Variants in SLC12A2 observed in about 807,000 individuals in gnomAD.
SLC12A2 encodes the protein Na-K-2Cl cotransporter 1.
SLC12A2 carries 67 observed loss-of-function variants against 136.3 expected under a neutral mutation model. The ratio of observed to expected loss-of-function variants is 0.49; its 90% CI spans 0.40 to 0.60. The LOEUF is 0.60. Ranked by LOEUF, SLC12A2 falls within the 20% of genes least tolerant of loss-of-function variation. The pLI, the probability that SLC12A2 is intolerant of heterozygous loss-of-function variation, is 0.00. For missense variants in SLC12A2, 1,322 were observed against 1,534.7 expected (o/e 0.86, Z 2.32); for synonymous variants, 619 against 562.9 (o/e 1.10, Z -1.41).
In SLC12A2 at chr5:128,084,094, C is replaced by T; in HGVS notation, c.140C>T (p.Ala47Val). The T allele has an allele frequency of 1.5e-6, 2 of 1,314,548 alleles. No homozygotes were observed. Among genetic ancestry groups the T allele is most frequent in the Non-Finnish European group, 9.7e-7 (1 of 1,035,836 alleles). 81.4% of individuals were successfully genotyped at this position (1,314,548 alleles called of 1,614,324 possible). The change falls in exon 1 of 27, where the codon GCG (alanine) becomes GTG (valine). Residue 47 changes from alanine (A) to valine (V), a missense_variant. Physicochemically the swap from Ala to Val is moderately conservative, Grantham distance 64. Around this residue, in one of 8 missense-constraint regions of SLC12A2, gnomAD observed 358 missense variants for 299.7 expected, o/e 1.19. Coordinates refer to ENST00000262461, the MANE Select transcript of SLC12A2 (RefSeq NM_001046.3). The surrounding 1 kb of genome is among the most constrained non-coding windows in gnomAD (Gnocchi z 5.6). Reference protein sequence around the residue: ...TAVPSVPEDAAPASRDGGGVR... With the variant: ...TAVPSVPEDAVPASRDGGGVR... ...GTGCCCTCGGTGCCGGAGGATGCTG[C>T]GCCCGCGAGCCGGGACGGCGGCGGG... is the stretch of plus-strand genomic sequence containing the variant.
rs1395282781 is a variant in SLC12A2 at position 128,084,332 on chromosome 5, C to T, written c.378C>T (p.Ser126=). 1.3e-6 allele frequency: 2 copies of T among 1,568,572 alleles called. No individual in the cohort carries two copies. Among genetic ancestry groups the T allele is most frequent in the Admixed American group, 3.6e-5 (2 of 56,144 alleles). ...CGGACGGGGAAGCCAGCGGCGAGAG[C>T]GAGCCGGCTAAAGGCAGCGAGGAAG... is the stretch of plus-strand genomic sequence containing the variant. ...TPADGEASGE[S]EPAKGSEEAK... The change falls in exon 1 of 27, where the codon AGC becomes AGT. Residue 126 remains serine (S), a synonymous_variant. Coordinates refer to ENST00000262461, the MANE Select transcript of SLC12A2 (RefSeq NM_001046.3). The surrounding 1 kb of genome is among the most constrained non-coding windows in gnomAD (Gnocchi z 5.6).
chr5:128,098,753 G>A, intron 1 of SLC12A2, among the ~76,000 whole-genome samples: 1 of 151,992 alleles, frequency 6.6e-6, no homozygotes, highest in East Asian at 1.9e-4. Flanking sequence ...GTATTTTATG[G>A]TTTCCAGCTA....
rs1763751993 is a variant in SLC12A2 at position 128,182,952 on chromosome 5, C to G, written c.3299+11C>G. 6.5e-7 allele frequency: 1 copy of G among 1,543,256 alleles called. No homozygotes were observed. The highest frequency in any genetic ancestry group is 2.3e-5 in the East Asian group (1 of 44,386). On this transcript the variant is annotated intron_variant, in intron 24 of 26. Coordinates refer to ENST00000262461, the MANE Select transcript of SLC12A2 (RefSeq NM_001046.3). ...ACCAAAGAAAGAAAAGTAAGTTACT[C>G]TACAAATTTCTGATCCCTTTATAGA... is the stretch of plus-strand genomic sequence containing the variant.
intron 14 of SLC12A2, 41 bp from the exon 15 acceptor site, chr5:128,152,665 A>T (rs1433610155): frequency 8.0e-7 from 1 of 1,253,370 alleles, no homozygotes; most frequent in Non-Finnish European, 1.2e-6. Flanking sequence ...ATTGGTTGTT[A>T]TTACTGATGT....
intron 9 of SLC12A2, among the ~76,000 whole-genome samples, chr5:128,140,734 A>C (rs1363157155): frequency 6.6e-6 from 1 of 151,888 alleles, no homozygotes; most frequent in Non-Finnish European, 1.5e-5. Flanking sequence ...AGACTATCAG[A>C]ATACAAAGCA....
At chr5:128,103,543 A>T (rs1760820364) in intron 1 of SLC12A2, among the ~76,000 whole-genome samples, 1 of 152,214 alleles carries the variant, frequency 6.6e-6, no homozygotes. Context: ...TTTAATACTT[A>T]CTGAGGGAGT....
rs1763896620 is a variant in SLC12A2, at chr5:128,187,218, A to G, written c.*587A>G. ...AAATGGGGAAGGGGAAATGGTAACC[A>G]AAAAGTAACCCCATGGTAAGGTTTA... On this transcript the variant is annotated 3_prime_UTR_variant, in exon 27 of 27. Coordinates refer to ENST00000262461, the MANE Select transcript of SLC12A2 (RefSeq NM_001046.3). The G allele has an allele frequency of 6.5e-6, 1 of 152,742 alleles. No individual in the cohort carries two copies. The highest frequency in any genetic ancestry group is 2.4e-5 in the African/African-American group (1 of 41,442). The allele number at this position is 152,742 out of a possible 1,614,324, so 9.5% of individuals were successfully genotyped here. A position where few individuals can be genotyped will look rare whatever the true frequency, so the allele number is the denominator to read the frequency against.
chr5:128,161,637 A>G (rs1482488623), intron 16 of SLC12A2, 23 bp from the exon 17 acceptor site: 1 of 1,312,334 alleles, frequency 7.6e-7, no homozygotes. Flanking sequence ...AATTAAATAT[A>G]TTATTAATAT....
At chr5:128,162,315 C>T (rs904936246) in intron 17 of SLC12A2, among the ~76,000 whole-genome samples, 9 of 151,924 alleles carry the variant, frequency 5.9e-5, no homozygotes. Flanking sequence ...GGAAATAGAG[C>T]TACCCGTATC....
intron 1 of SLC12A2, among the ~76,000 whole-genome samples, chr5:128,099,200 C>T (rs1420572611): frequency 2.0e-5 from 3 of 152,098 alleles, no homozygotes; most frequent in African/African-American, 7.2e-5. Context: ...GAGCATATTC[C>T]ACTACACACC....
Position 128,158,136 on chromosome 5 carries a change from G to C in SLC12A2, c.2447G>C (p.Gly816Ala). Residue 816 changes from glycine (G) to alanine (A), a missense_variant, in exon 16 of 27, where the codon GGT becomes GCT. Physicochemically the swap from Gly to Ala is moderately conservative, Grantham distance 60. Around this residue, in one of 8 missense-constraint regions of SLC12A2, gnomAD observed 294 missense variants for 436.6 expected, o/e 0.67. Transcript: ENST00000262461. ...GTTCATGATTTCACAAAAAATGTTG[G>C]TTTGATGATCTGTGGCCATGTACAT... ...HLVHDFTKNV[G>A]LMICGHVHMG... 2 of 1,613,044 alleles carry C rather than the reference G, an allele frequency of 1.2e-6. No homozygotes were observed.
At chr5:128,098,190 GTTTT>G (rs760398412) in intron 1 of SLC12A2, among the ~76,000 whole-genome samples, 1 of 151,970 alleles carries the variant, frequency 6.6e-6, no homozygotes, top group Non-Finnish European at 1.5e-5. Context: ...GTACGTTGAT[GTTTT>G]TCACTCTTCC....
intron 1 of SLC12A2, chr5:128,109,853 C>A: frequency 1.3e-6 from 1 of 787,330 alleles, no homozygotes; most frequent in South Asian, 1.3e-5. Context: ...GGCCAAATCC[C>A]CATGTATTTT....
intron 1 of SLC12A2, among the ~76,000 whole-genome samples, chr5:128,111,758 C>G (rs1209403922): frequency 2.0e-4 from 28 of 143,286 alleles, no homozygotes; most frequent in Non-Finnish European, 3.2e-4. Flanking sequence ...GAGCGAGACT[C>G]CATCTCAAAA....
rs550566096 is a variant in SLC12A2, at chr5:128,142,699, A to G, written c.1773+718A>G. ...GTCTGTCCTTGTGCCAGTACCACAC[A>G]TTCCTAATTACTGTAGTTAAATGAT... On this transcript the variant is annotated intron_variant, in intron 10 of 26. Transcript: ENST00000262461. 2.2e-3 allele frequency among the ~76,000 whole-genome samples: 330 copies of G among 152,226 alleles called. 1 individual carries two copies. The highest frequency in any genetic ancestry group is 2.7e-3 in the Non-Finnish European group (181 of 68,006).
intron 12 of SLC12A2, 56 bp downstream of exon 12, chr5:128,148,933 C>T (rs768198436): frequency 8.1e-5 from 110 of 1,365,616 alleles, no homozygotes; most frequent in Non-Finnish European, 9.8e-5. Flanking sequence ...TAGTTCTAGA[C>T]GTTGAATTAT....
chr5:128,184,803 C>A lies in SLC12A2; in HGVS notation c.3450C>A (p.Ile1150=). ...TTTCATTTCAGACATACCGGCAGAT[C>A]AGGTTAAATGAGTTATTAAAGGAAC... ...ELYKTKTYRQ[I]RLNELLKEHS... The change falls in exon 26 of 27, where the codon ATC becomes ATA. Residue 1150 remains isoleucine (I), a synonymous_variant. Coordinates refer to ENST00000262461, the MANE Select transcript of SLC12A2 (RefSeq NM_001046.3). The A allele has an allele frequency of 6.2e-7, 1 of 1,609,420 alleles. No individual in the cohort carries two copies.
chr5:128,092,371 C>T lies in SLC12A2; in HGVS notation c.756+7661C>T, dbSNP rs150173744. On this transcript the variant is annotated intron_variant, in intron 1 of 26. Coordinates refer to ENST00000262461, the MANE Select transcript of SLC12A2 (RefSeq NM_001046.3). ...TTCAAGAATTGGGCTATAGGGCTGA[C>T]GGTCTTGGAAAGAGGTAGGAAACTT... 1.9e-4 allele frequency among the ~76,000 whole-genome samples: 29 copies of T among 152,190 alleles called. 1 individual carries two copies. The South Asian group carries it at 4.8e-3, about 25-fold the overall frequency.
At chr5:128,091,281 G>A (rs1224578701) in intron 1 of SLC12A2, among the ~76,000 whole-genome samples, 1 of 152,154 alleles carries the variant, frequency 6.6e-6, no homozygotes, top group Non-Finnish European at 1.5e-5. Flanking sequence ...AAGTCTGTGA[G>A]AAGGGCAGGT....
Sources: allele counts gnomAD v4.1 joint callset (sites outside exome capture counted in the v4.1 genomes callset), GRCh38; gene constraint gnomAD v4.1.1; regional missense constraint gnomAD v4.1.1; non-coding constraint Gnocchi (gnomAD v3.1); transcripts MANE v1.5; gene names NCBI Gene and HGNC (gene_info 2026-07-23, HGNC 2026-07-21).